Variants in ARHGAP32 observed in about 807,000 individuals in gnomAD.
The protein encoded by ARHGAP32 is rho GTPase-activating protein 32.
ARHGAP32 carries 51 observed loss-of-function variants against 186.5 expected under a neutral mutation model. The observed-to-expected ratio is 0.27, with a 90% CI of 0.22 to 0.35. The LOEUF (loss-of-function observed/expected upper bound fraction) is 0.35. ARHGAP32 is among the 10% of genes least tolerant of loss of function. ARHGAP32 has a pLI of 1.00. For missense variants in ARHGAP32, 2,186 were observed against 2,623.5 expected (o/e 0.83, Z 3.64); for synonymous variants, 950 against 964.3 (o/e 0.99, Z 0.27).
At chr11:129,170,726 A>T (rs1410860916) in intron 1 of ARHGAP32, among the ~76,000 whole-genome samples, 2 of 152,206 alleles carry the variant, frequency 1.3e-5, no homozygotes, top group African/African-American at 4.8e-5. Context: ...CTGGTTCCAG[A>T]TCGTTGAGGA....
intron 1 of ARHGAP32, among the ~76,000 whole-genome samples, chr11:129,173,529 C>G (rs1018426588): frequency 1.3e-5 from 2 of 152,126 alleles, no homozygotes; most frequent in African/African-American, 4.8e-5. Context: ...AAGAAAACTT[C>G]AGGCCAATAC....
chr11:129,242,922 C>T (rs1215932364), intron 1 of ARHGAP32, among the ~76,000 whole-genome samples: 1 of 151,954 alleles, frequency 6.6e-6, no homozygotes, highest in Non-Finnish European at 1.5e-5. Context: ...ACTAACTGCA[C>T]ACACACACCT....
chr11:129,014,513 G>T (rs1282283519), intron 11 of ARHGAP32, among the ~76,000 whole-genome samples: 3 of 152,158 alleles, frequency 2.0e-5, no homozygotes, highest in Non-Finnish European at 2.9e-5. Context: ...ATTTCTGAGG[G>T]TGTATAGGAA....
At chr11:128,972,408 T>G (rs1450034462) in intron 22 of ARHGAP32, 45 bp downstream of exon 22, 1 of 1,488,990 alleles carries the variant, frequency 6.7e-7, no homozygotes, top group East Asian at 2.3e-5. Flanking sequence ...TGACATACCT[T>G]TGGTAATAGT....
rs1484422627 is a variant in ARHGAP32 at position 128,971,041 on chromosome 11, G to C, written c.4172C>G (p.Ala1391Gly). The C allele has an allele frequency of 1.2e-6, 2 of 1,614,058 alleles. No individual in the cohort carries two copies. The highest frequency in any genetic ancestry group is 1.1e-5 in the South Asian group (1 of 91,084). Reference sequence around the variant, plus strand: ...TTTCTCAGGCAGGCCTGGCTGGACAGCTGTAGCCATGGGACACTGAGCAGC... The same window carrying C: ...TTTCTCAGGCAGGCCTGGCTGGACACCTGTAGCCATGGGACACTGAGCAGC... ...AAAAQCPMATAVQPGLPEKVR... is the reference protein window; with the variant it reads ...AAAAQCPMATGVQPGLPEKVR... Residue 1391 changes from alanine to glycine, a missense_variant, in exon 23 of 23, where the codon GCT becomes GGT. This residue lies in a region of ARHGAP32 where 1,502 missense variants were observed against 1,570.0 expected (regional missense o/e 0.96). Transcript: ENST00000682385.
At chr11:129,240,967 G>A (rs1346679412) in intron 1 of ARHGAP32, among the ~76,000 whole-genome samples, 1 of 152,146 alleles carries the variant, frequency 6.6e-6, no homozygotes, top group Non-Finnish European at 1.5e-5. Context: ...TTAACTCCGT[G>A]GTTAAGAATA....
At chr11:129,144,128 G>T (rs539352698) in intron 2 of ARHGAP32, among the ~76,000 whole-genome samples, 5 of 152,234 alleles carry the variant, frequency 3.3e-5, no homozygotes, top group African/African-American at 1.2e-4. Flanking sequence ...ATCCGCAAAA[G>T]AATTTTGATA....
chr11:129,018,258 A>T (rs1253369759), intron 11 of ARHGAP32, among the ~76,000 whole-genome samples: 1 of 152,218 alleles, frequency 6.6e-6, no homozygotes, highest in African/African-American at 2.4e-5. Flanking sequence ...TAGCAACTGT[A>T]ATAAATGTAA....
Position 129,040,368 on chromosome 11 carries a change from A to G in ARHGAP32, c.1045+560T>C, listed in dbSNP as rs1718836638. 2.6e-5 allele frequency among the ~76,000 whole-genome samples: 4 copies of G among 152,134 alleles called. No individual in the cohort carries two copies. In the South Asian group the frequency reaches 8.3e-4, roughly 32 times the overall value. ...CGACATCATCAAAAAGTTTCAGATG[A>G]GGCATTCTGTTGAATCTTCCCAAAA... On this transcript the variant is annotated intron_variant, in intron 11 of 22. Coordinates refer to ENST00000682385, the MANE Select transcript of ARHGAP32 (RefSeq NM_001378024.1).
chr11:129,215,575 T>C (rs573046788), intron 1 of ARHGAP32, among the ~76,000 whole-genome samples: 1 of 152,288 alleles, frequency 6.6e-6, no homozygotes. Flanking sequence ...TTTCAGTTTC[T>C]AAAGGCCATT....
intron 2 of ARHGAP32, among the ~76,000 whole-genome samples, chr11:129,135,907 A>G (rs1291328319): frequency 6.6e-6 from 1 of 152,238 alleles, no homozygotes; most frequent in African/African-American, 2.4e-5. Flanking sequence ...GGATAGGCGA[A>G]GATTTCTTAA....
intron 1 of ARHGAP32, among the ~76,000 whole-genome samples, chr11:129,270,353 G>A (rs957873844): frequency 6.6e-6 from 1 of 152,154 alleles, no homozygotes; most frequent in African/African-American, 2.4e-5. Flanking sequence ...TGGTTGACAG[G>A]GGCTGGGGAG....
chr11:129,083,100 T>C (rs954346791), intron 6 of ARHGAP32, among the ~76,000 whole-genome samples: 2 of 152,118 alleles, frequency 1.3e-5, no homozygotes, highest in African/African-American at 4.8e-5. Context: ...AAAAATAACA[T>C]GTTGGCATTG....
chr11:128,994,151 A>AT (rs1373534532), intron 12 of ARHGAP32, among the ~76,000 whole-genome samples: 6 of 149,632 alleles, frequency 4.0e-5, no homozygotes, highest in East Asian at 2.0e-4. Context: ...ACTCTCTTTC[A>AT]TTTTTTTTTC....
At chr11:129,223,541 T>C (rs1470184698) in intron 1 of ARHGAP32, among the ~76,000 whole-genome samples, 1 of 152,186 alleles carries the variant, frequency 6.6e-6, no homozygotes, top group Non-Finnish European at 1.5e-5. Context: ...ATTTTCAAGA[T>C]ATAATCTTGG....
chr11:129,158,486 G>T (rs893620424), intron 2 of ARHGAP32, among the ~76,000 whole-genome samples: 1 of 150,942 alleles, frequency 6.6e-6, no homozygotes, highest in African/African-American at 2.4e-5. Flanking sequence ...GAGCTAAAGG[G>T]ATCAATGTAA....
chr11:129,123,428 A>C lies in ARHGAP32; in HGVS notation c.444+18T>G. 6.3e-7 allele frequency: 1 copy of C among 1,594,726 alleles called. No homozygotes were observed. Among genetic ancestry groups the C allele is most frequent in the Non-Finnish European group, 8.6e-7 (1 of 1,163,402 alleles). On this transcript the variant is annotated intron_variant, in intron 5 of 22. Transcript: ENST00000682385. This position sits in a 1 kb window ranked among gnomAD's most constrained non-coding sequence, Gnocchi z 4.6. ...TGTGTAAATCTTAATTCAAGATGTA[A>C]GAAATATTTCAGTATACCTGTATGC...
chr11:129,173,219 A>T (rs1217610756), intron 1 of ARHGAP32, among the ~76,000 whole-genome samples: 1 of 152,078 alleles, frequency 6.6e-6, no homozygotes, highest in Non-Finnish European at 1.5e-5. Context: ...GAAGAAATGG[A>T]TAAATTCCTG....
At chr11:129,079,753 C>T (rs1398801201) in intron 6 of ARHGAP32, among the ~76,000 whole-genome samples, 1 of 152,142 alleles carries the variant, frequency 6.6e-6, no homozygotes, top group Non-Finnish European at 1.5e-5. Flanking sequence ...CATCACATCT[C>T]AATACTAATG....
Sources: allele counts gnomAD v4.1 joint callset (sites outside exome capture counted in the v4.1 genomes callset), GRCh38; gene constraint gnomAD v4.1.1; regional missense constraint gnomAD v4.1.1; non-coding constraint Gnocchi (gnomAD v3.1); transcripts MANE v1.5; gene names NCBI Gene and HGNC (gene_info 2026-07-23, HGNC 2026-07-21).